The following NUMBL variants were observed in gnomAD, a reference collection of about 807,000 sequenced individuals.
NUMBL encodes the protein numb-like protein.
Under a neutral mutation model 48.9 loss-of-function variants are expected in NUMBL, and 20 were observed. That is an observed-to-expected ratio of 0.41 (90% CI 0.29 to 0.59). The LOEUF (loss-of-function observed/expected upper bound fraction) is 0.59. Among genes scored for constraint, NUMBL ranks in the 20% least tolerant of loss-of-function variants. NUMBL has a pLI of 0.31. For synonymous variants in NUMBL, 340 were observed against 348.7 expected, an observed-to-expected ratio of 0.98 and a Z score of 0.28; for missense variants, 660 against 846.2, an observed-to-expected ratio of 0.78 and a Z score of 2.73.
At chr19:40,686,466 A>AGT (rs1465566428) in intron 2 of NUMBL, among the ~76,000 whole-genome samples, 1 of 152,106 alleles carries the variant, frequency 6.6e-6, no homozygotes. Flanking sequence ...CCCGGCCAAG[A>AGT]GTGTGTCTCT....
Position 40,673,749 on chromosome 19 carries a change from G to A in NUMBL, c.731-100C>T. The A allele has an allele frequency of 2.6e-6, 3 of 1,154,982 alleles. No homozygotes were observed. The highest frequency in any genetic ancestry group is 3.6e-6 in the Non-Finnish European group (3 of 844,514). 71.5% of individuals were successfully genotyped at this position (1,154,982 alleles called of 1,614,324 possible). On this transcript the variant is annotated intron_variant, in intron 7 of 9. Coordinates refer to ENST00000252891, the MANE Select transcript of NUMBL (RefSeq NM_004756.5). This position sits in a 1 kb window ranked among gnomAD's most constrained non-coding sequence, Gnocchi z 5.9. The stretch of plus-strand genomic sequence containing the variant: ...ATCATTCTCCAAGGCTGCCTTCCTT[G>A]CCCAGTGAGTCCTGCCCTTAAGACA...
At position 40,673,693 on chromosome 19, in the gene NUMBL, C is replaced by A; in HGVS notation, c.731-44G>T. 1 of 1,431,728 alleles carries A rather than the reference C, an allele frequency of 7.0e-7. No individual in the cohort carries two copies. The highest frequency in any genetic ancestry group is 1.4e-5 in the African/African-American group (1 of 69,554). The allele number at this position is 1,431,728 out of a possible 1,614,324, so 88.7% of individuals were successfully genotyped here. ...TGGATGGTTAGATATCTCACCATGGCATGCAAGGCCTCTCCCACCTGGTTC... is the reference window on the plus strand; with the variant it reads ...TGGATGGTTAGATATCTCACCATGGAATGCAAGGCCTCTCCCACCTGGTTC... On this transcript the variant is annotated intron_variant, in intron 7 of 9. Transcript: ENST00000252891. This position sits in a 1 kb window ranked among gnomAD's most constrained non-coding sequence, Gnocchi z 5.9.
chr19:40,673,670 G>T lies in NUMBL; in HGVS notation c.731-21C>A. ...CTCTGCTGGAGACATGGGGGAGATG[G>T]ATGGTTAGATATCTCACCATGGCAT... On this transcript the variant is annotated intron_variant, in intron 7 of 9. Coordinates refer to ENST00000252891, the MANE Select transcript of NUMBL (RefSeq NM_004756.5). This position sits in a 1 kb window ranked among gnomAD's most constrained non-coding sequence, Gnocchi z 5.9. 1.4e-6 allele frequency: 2 copies of T among 1,458,558 alleles called. No homozygotes were observed. Among genetic ancestry groups the T allele is most frequent in the Non-Finnish European group, 1.8e-6 (2 of 1,103,120 alleles). The allele number at this position is 1,458,558 out of a possible 1,614,324, so 90.4% of individuals were successfully genotyped here. A position where few individuals can be genotyped will look rare whatever the true frequency, so the allele number is the denominator to read the frequency against.
chr19:40,690,435 A>G, intron 1 of NUMBL, 25 bp downstream of exon 1: 1 of 1,188,138 alleles, frequency 8.4e-7, no homozygotes, highest in Admixed American at 3.9e-5. Context: ...CCCCGACCCG[A>G]GCCCCCCTCT....
chr19:40,674,936 C>G (rs555769270), intron 7 of NUMBL, among the ~76,000 whole-genome samples: 116 of 152,050 alleles, frequency 7.6e-4, no homozygotes, highest in Non-Finnish European at 1.5e-3. Flanking sequence ...GCCAGGAGTT[C>G]AAGACCAGCC....
rs768083808 is a variant in NUMBL, at chr19:40,673,519, C to T, written c.861G>A (p.Ala287=). Residue 287 remains alanine (A), a synonymous_variant, in exon 8 of 10, where the codon GCG becomes GCA. Transcript: ENST00000252891. This position sits in a 1 kb window ranked among gnomAD's most constrained non-coding sequence, Gnocchi z 5.9. ...GTGCATGGCGCCGGGGGATGGCGGC[C>T]GCAGTGGTGCCTGCAGCCACAGGGG... ...AGTPVAAGTT[A]AAIPRRHAPL... 23 of 1,565,414 alleles carry T rather than the reference C, an allele frequency of 1.5e-5. No homozygotes were observed. Among genetic ancestry groups the T allele is most frequent in the Admixed American group, 5.7e-5 (3 of 52,398 alleles).
Position 40,673,566 on chromosome 19 carries a change from CAGGGGATGT to C in NUMBL, c.805_813del (p.Thr269_Pro271del). On this transcript the variant is annotated inframe_deletion, in exon 8 of 10. Coordinates refer to ENST00000252891, the MANE Select transcript of NUMBL (RefSeq NM_004756.5). This position sits in a 1 kb window ranked among gnomAD's most constrained non-coding sequence, Gnocchi z 5.9. ...GGGGTGCCTGCCTCACCCTTCTCAC[CAGGGGATGT>C]GGTGGCTGGTGTCGGGGACACGTGC... 1 of 1,548,936 alleles carries C rather than the reference CAGGGGATGT, an allele frequency of 6.5e-7. No homozygotes were observed. The highest frequency in any genetic ancestry group is 8.7e-7 in the Non-Finnish European group (1 of 1,145,008).
intron 3 of NUMBL, chr19:40,683,174 A>G: frequency 1.6e-6 from 1 of 626,074 alleles, no homozygotes. Context: ...CACAGCACGT[A>G]GTAGTGATTC....
At chr19:40,686,373 C>T (rs1357043815) in intron 2 of NUMBL, among the ~76,000 whole-genome samples, 10 of 128,838 alleles carry the variant, frequency 7.8e-5, no homozygotes, top group Non-Finnish European at 4.9e-5. Context: ...AGGCTGGTCT[C>T]GAACTCCTGA....
chr19:40,681,416 G>A (rs1195589035), intron 5 of NUMBL, among the ~76,000 whole-genome samples: 1 of 152,156 alleles, frequency 6.6e-6, no homozygotes, highest in Non-Finnish European at 1.5e-5. Flanking sequence ...AAAAGTCAAG[G>A]AACAGTATTT....
At chr19:40,678,345 T>C (rs905536547) in intron 6 of NUMBL, among the ~76,000 whole-genome samples, 1 of 152,130 alleles carries the variant, frequency 6.6e-6, no homozygotes, top group Admixed American at 6.6e-5. Context: ...GTATTTTTAG[T>C]AGAGATGGGA....
chr19:40,689,465 GCA>G (rs369220238), intron 1 of NUMBL: 46 of 152,032 alleles, frequency 3.0e-4, no homozygotes, highest in South Asian at 1.0e-3. Context: ...GCGTACGCGT[GCA>G]CACACACACA....
intron 3 of NUMBL, chr19:40,683,178 G>C: frequency 1.6e-6 from 1 of 623,148 alleles, no homozygotes; most frequent in South Asian, 1.8e-5. Context: ...GCACGTAGTA[G>C]TGATTCCAGT....
intron 7 of NUMBL, among the ~76,000 whole-genome samples, chr19:40,675,735 T>C (rs2081872559): frequency 6.6e-6 from 1 of 151,232 alleles, no homozygotes; most frequent in African/African-American, 2.4e-5. Context: ...TGGTAGCCTC[T>C]TACACACGCG....
rs912282454 is a variant in NUMBL, at chr19:40,673,616, C to G, written c.764G>C (p.Gly255Ala). 3.3e-6 allele frequency: 5 copies of G among 1,509,932 alleles called. No homozygotes were observed. The African/African-American group carries it at 6.9e-5, about 21-fold the overall frequency. 93.5% of individuals were successfully genotyped at this position (1,509,932 alleles called of 1,614,324 possible). ...GGACACGTGCCCAGGCTGGGCAGGG[C>G]CAGGAGCCACAGTGGGGGCAGCTGC... is the stretch of plus-strand genomic sequence containing the variant. Reference protein sequence around the residue: ...EAAAAPTVAPGPAQPGHVSPT... With the variant: ...EAAAAPTVAPAPAQPGHVSPT... The change falls in exon 8 of 10, where the codon GGC (glycine) becomes GCC (alanine). Residue 255 changes from glycine to alanine, a missense_variant. By Grantham distance (60) the Gly-to-Ala change is moderately conservative (BLOSUM62 0). Around this residue, in one of 3 missense-constraint regions of NUMBL, gnomAD observed 278 missense variants for 420.6 expected, o/e 0.66. Transcript: ENST00000252891. This position sits in a 1 kb window ranked among gnomAD's most constrained non-coding sequence, Gnocchi z 5.9.
Position 40,687,064 on chromosome 19 carries a change from G to T in NUMBL, c.25-69C>A. On this transcript the variant is annotated intron_variant, in intron 1 of 9. Coordinates refer to ENST00000252891, the MANE Select transcript of NUMBL (RefSeq NM_004756.5). The surrounding 1 kb of genome is among the most constrained non-coding windows in gnomAD (Gnocchi z 4.6). ...GGGGCTCAGTCTGATACTTCACCCCGACTTTGGACTTCGGCCAGCCCCCTC... is the reference window on the plus strand; with the variant it reads ...GGGGCTCAGTCTGATACTTCACCCCTACTTTGGACTTCGGCCAGCCCCCTC... 3.2e-6 allele frequency: 3 copies of T among 948,836 alleles called. No individual in the cohort carries two copies. Among genetic ancestry groups the T allele is most frequent in the South Asian group, 3.5e-5 (2 of 56,866 alleles). The allele number at this position is 948,836 out of a possible 1,614,324, so 58.8% of individuals were successfully genotyped here.
In NUMBL at chr19:40,667,359, G is replaced by C; in HGVS notation, c.*109C>G. The stretch of plus-strand genomic sequence containing the variant: ...GGTGGTTGAGGGAGGGGGGTGTTGA[G>C]AGGGTGTTGAGGGGCGCAGCCCCAG... On this transcript the variant is annotated 3_prime_UTR_variant, in exon 10 of 10. Transcript: ENST00000252891. This position sits in a 1 kb window ranked among gnomAD's most constrained non-coding sequence, Gnocchi z 6.1. 3 of 1,444,742 alleles carry C rather than the reference G, an allele frequency of 2.1e-6. No individual in the cohort carries two copies. The highest frequency in any genetic ancestry group is 2.8e-6 in the Non-Finnish European group (3 of 1,086,152). The allele number at this position is 1,444,742 out of a possible 1,614,324, so 89.5% of individuals were successfully genotyped here. A position where few individuals can be genotyped will look rare whatever the true frequency, so the allele number is the denominator to read the frequency against.
rs964134973 is a variant in NUMBL, at chr19:40,690,619, C to G, written c.-136G>C. On this transcript the variant is annotated 5_prime_UTR_variant, in exon 1 of 10. Coordinates refer to ENST00000252891, the MANE Select transcript of NUMBL (RefSeq NM_004756.5). Reference sequence around the variant, plus strand: ...GGGCCGGGGGATGGTGCGGGATGCACGCGCGCGAGCCTCCTCGGCTCCCGG... The same window carrying G: ...GGGCCGGGGGATGGTGCGGGATGCAGGCGCGCGAGCCTCCTCGGCTCCCGG... 33 of 426,064 alleles carry G rather than the reference C, an allele frequency of 7.7e-5. No individual in the cohort carries two copies. Among genetic ancestry groups the G allele is most frequent in the African/African-American group, 6.8e-4 (33 of 48,292 alleles). 26.4% of individuals were successfully genotyped at this position (426,064 alleles called of 1,614,324 possible). A position where few individuals can be genotyped will look rare whatever the true frequency, so the allele number is the denominator to read the frequency against.
At chr19:40,683,088 T>G (rs2081914126) in intron 3 of NUMBL, 120 bp from the exon 4 acceptor site, 1 of 869,078 alleles carries the variant, frequency 1.2e-6, no homozygotes, top group Admixed American at 1.9e-5. Context: ...GTGTATGCAA[T>G]CATTTATTCT....
Sources: gnomAD v4.1 joint callset for allele counts (sites outside exome capture counted in the v4.1 genomes callset) on GRCh38, gnomAD v4.1.1 for gene constraint, gnomAD v4.1.1 regional missense constraint, Gnocchi (gnomAD v3.1) non-coding constraint, MANE v1.5 for transcripts, NCBI Gene and HGNC (gene_info 2026-07-23, HGNC 2026-07-21) for gene names.